The following GRP variants were observed in gnomAD, a reference collection of about 807,000 sequenced individuals.
The protein encoded by GRP is gastrin-releasing peptide.
In GRP, 11 loss-of-function variants were observed where a neutral mutation model predicts 12.7. The observed-to-expected ratio is 0.87, with a 90% CI of 0.55 to 1.44. The LOEUF is 1.44. Among genes scored for constraint, GRP ranks in the 40% most tolerant of loss-of-function variants. GRP has a pLI of 0.00. For synonymous variants in GRP, 84 were observed against 77.7 expected (o/e 1.08, Z -0.43); for missense variants, 212 against 185.4 (o/e 1.14, Z -0.83).
chr18:59,225,593 G>A lies in GRP; in HGVS notation c.241G>A (p.Ala81Thr). Reference protein sequence around the residue: ...LREYIRWEEAARNLLGLIEAK... With the variant: ...LREYIRWEEATRNLLGLIEAK... The stretch of plus-strand genomic sequence containing the variant: ...AGAGTACATCAGGTGGGAAGAAGCT[G>A]CAAGGAATTTGCTGGGTCTCATAGA... The change falls in exon 2 of 3, where the codon GCA becomes ACA. Residue 81 changes from alanine to threonine, a missense_variant. Transcript: ENST00000256857. 1 of 1,614,158 alleles carries A rather than the reference G, an allele frequency of 6.2e-7. No homozygotes were observed. The highest frequency in any genetic ancestry group is 8.5e-7 in the Non-Finnish European group (1 of 1,180,018).
At chr18:59,230,372 T>G in intron 2 of GRP, 32 bp from the exon 3 acceptor site, 1 of 1,209,454 alleles carries the variant, frequency 8.3e-7, no homozygotes, top group Non-Finnish European at 1.2e-6. Context: ...CAGCTCACTC[T>G]GTTTGCTGAA....
chr18:59,226,985 TTTTCTTCCTTTCTTTC>T (rs1314938954), intron 2 of GRP, among the ~76,000 whole-genome samples: 28 of 119,810 alleles, frequency 2.3e-4, no homozygotes, highest in Non-Finnish European at 2.8e-4. Flanking sequence ...ATGTGGTTTC[TTTTCTTCCTTTCTTTC>T]TTTCTTTCTT....
rs113198683 is a variant in GRP at position 59,225,760 on chromosome 18, G to T, written c.382+26G>T. On this transcript the variant is annotated intron_variant, in intron 2 of 2. Transcript: ENST00000256857. ...GTAAAAGAAACATACATGCAAGATG[G>T]GGTGGGAGGTATCTGGGGAGAGGTG... The T allele has an allele frequency of 8.4e-4, 1,357 of 1,607,986 alleles. 8 individuals are homozygous for T. In the African/African-American group the frequency reaches 0.015, roughly 18 times the overall value.
chr18:59,227,009 CT>C (rs1389176189), intron 2 of GRP, among the ~76,000 whole-genome samples: 1 of 122,968 alleles, frequency 8.1e-6, no homozygotes, highest in Non-Finnish European at 1.7e-5. Context: ...TTCTTTCTTT[CT>C]TTCTTTCTTT....
Position 59,225,536 on chromosome 18 carries a change from T to G in GRP, c.184T>G (p.Ser62Ala), listed in dbSNP as rs748418136. 6.2e-7 allele frequency: 1 copy of G among 1,613,934 alleles called. No homozygotes were observed. The highest frequency in any genetic ancestry group is 1.1e-5 in the South Asian group (1 of 91,064). The change falls in exon 2 of 3, where the codon TCT becomes GCT. Residue 62 changes from serine to alanine, a missense_variant. Physicochemically the swap from Ser to Ala is moderately conservative, Grantham distance 99. Transcript: ENST00000256857. ...GAGCACAGGGGAGTCTTCTTCTGTT[T>G]CTGAGAGAGGGAGCCTGAAGCAGCA... is the stretch of plus-strand genomic sequence containing the variant. ...KKSTGESSSV[S>A]ERGSLKQQLR...
At chr18:59,220,789 T>C (rs1012437812) in intron 1 of GRP, among the ~76,000 whole-genome samples, 1 of 152,194 alleles carries the variant, frequency 6.6e-6, no homozygotes, top group Admixed American at 6.5e-5. Context: ...TAGAATAATC[T>C]TGGGGAGCGT....
At chr18:59,223,128 C>T (rs2069861707) in intron 1 of GRP, among the ~76,000 whole-genome samples, 1 of 152,170 alleles carries the variant, frequency 6.6e-6, no homozygotes, top group Non-Finnish European at 1.5e-5. Flanking sequence ...TTAGTAGTAT[C>T]TTTAAATGAT....
At chr18:59,224,501 A>G (rs1482014458) in intron 1 of GRP, among the ~76,000 whole-genome samples, 1 of 152,216 alleles carries the variant, frequency 6.6e-6, no homozygotes, top group Non-Finnish European at 1.5e-5. Context: ...ACTTTAGATC[A>G]AAAGCACCAT....
Position 59,220,305 on chromosome 18 carries a change from G to A in GRP, c.40G>A (p.Val14Ile). 2 of 1,505,834 alleles carry A rather than the reference G, an allele frequency of 1.3e-6. No individual in the cohort carries two copies. Among genetic ancestry groups the A allele is most frequent in the Non-Finnish European group, 1.8e-6 (2 of 1,131,200 alleles). 93.3% of individuals were successfully genotyped at this position (1,505,834 alleles called of 1,614,324 possible). The change falls in exon 1 of 3, where the codon GTC becomes ATC. Residue 14 changes from valine to isoleucine, a missense_variant. Transcript: ENST00000256857. ...GCTCCCGCTGGTCCTGCTGGCGCTG[G>A]TCCTCTGCCTGGCGCCCCGGGGGCG... ...RELPLVLLAL[V>I]LCLAPRGRAV...
Position 59,230,699 on chromosome 18 carries a change from G to A in GRP, c.*231G>A, listed in dbSNP as rs2070021342. ...TCCAATTAATGCTTTTTTATATCTA[G>A]GCTACCTGTTGGTTAGATTCAAGGC... On this transcript the variant is annotated 3_prime_UTR_variant, in exon 3 of 3. Transcript: ENST00000256857. The A allele has an allele frequency of 3.9e-6, 2 of 518,508 alleles. No individual in the cohort carries two copies. Among genetic ancestry groups the A allele is most frequent in the Non-Finnish European group, 6.9e-6 (2 of 288,726 alleles). 32.1% of individuals were successfully genotyped at this position (518,508 alleles called of 1,614,324 possible).
chr18:59,227,809 C>T (rs1405327064), intron 2 of GRP, among the ~76,000 whole-genome samples: 6 of 152,052 alleles, frequency 3.9e-5, no homozygotes, highest in East Asian at 1.9e-4. Flanking sequence ...AATTTTCCAC[C>T]ACATTCAGAA....
At chr18:59,228,013 A>G (rs150643245) in intron 2 of GRP, among the ~76,000 whole-genome samples, 1 of 152,088 alleles carries the variant, frequency 6.6e-6, no homozygotes, top group African/African-American at 2.4e-5. Flanking sequence ...CTTTTCTATT[A>G]TTTTTATGCA....
At position 59,229,402 on chromosome 18, in the gene GRP, C is replaced by A. The variant is rs926531064; in HGVS notation, c.383-1002C>A. 2.4e-4 allele frequency among the ~76,000 whole-genome samples: 36 copies of A among 152,096 alleles called. 1 individual carries two copies. The highest frequency in any genetic ancestry group is 8.7e-4 in the African/African-American group (36 of 41,410). Reference sequence around the variant, plus strand: ...CACATTAGCTGGCCCCTTTTATGACCAATGACTCATAAGGCAAGATGTGTG... The same window carrying A: ...CACATTAGCTGGCCCCTTTTATGACAAATGACTCATAAGGCAAGATGTGTG... On this transcript the variant is annotated intron_variant, in intron 2 of 2. Coordinates refer to ENST00000256857, the MANE Select transcript of GRP (RefSeq NM_002091.5).
intron 2 of GRP, among the ~76,000 whole-genome samples, chr18:59,227,020 T>TCTTTCTTTCTTTCTTTCTTTTCTTC (rs2069943367): frequency 1.4e-5 from 2 of 141,922 alleles, no homozygotes; most frequent in African/African-American, 2.7e-5. Flanking sequence ...TTTCTTTCTT[T>TCTTTCTTTCTTTCTTTCTTTTCTTC]CTTTCTTTCT....
At chr18:59,221,571 G>C (rs1387770078) in intron 1 of GRP, among the ~76,000 whole-genome samples, 1 of 150,968 alleles carries the variant, frequency 6.6e-6, no homozygotes, top group African/African-American at 2.5e-5. Flanking sequence ...GTGTATGTGT[G>C]TGTGTCTCTG....
At chr18:59,227,625 C>T (rs973605794) in intron 2 of GRP, among the ~76,000 whole-genome samples, 1 of 152,210 alleles carries the variant, frequency 6.6e-6, no homozygotes, top group Non-Finnish European at 1.5e-5. Flanking sequence ...GACTTGCCCT[C>T]ATAGCTCGTT....
chr18:59,230,365 C>G (rs777046831), intron 2 of GRP, 39 bp from the exon 3 acceptor site: 2 of 1,106,540 alleles, frequency 1.8e-6, no homozygotes, highest in African/African-American at 3.1e-5. Flanking sequence ...TAGACTTCAG[C>G]TCACTCTGTT....
At position 59,220,258 on chromosome 18, in the gene GRP, T is replaced by A; in HGVS notation, c.-8T>A. The A allele has an allele frequency of 6.7e-7, 1 of 1,495,540 alleles. No homozygotes were observed. The highest frequency in any genetic ancestry group is 8.9e-7 in the Non-Finnish European group (1 of 1,127,176). 92.6% of individuals were successfully genotyped at this position (1,495,540 alleles called of 1,614,324 possible). A position where few individuals can be genotyped will look rare whatever the true frequency, so the allele number is the denominator to read the frequency against. Reference sequence around the variant, plus strand: ...TCCGGCGCGCTCCAAGGGCTTCCCGTCGGGACCATGCGCGGCCGTGAGCTC... The same window carrying A: ...TCCGGCGCGCTCCAAGGGCTTCCCGACGGGACCATGCGCGGCCGTGAGCTC... On this transcript the variant is annotated 5_prime_UTR_variant, in exon 1 of 3. Transcript: ENST00000256857.
chr18:59,219,258 A>C (rs1172111480), upstream of GRP, among the ~76,000 whole-genome samples: 1 of 151,016 alleles, frequency 6.6e-6, no homozygotes, highest in Admixed American at 6.6e-5. Flanking sequence ...TCTCTATTCC[A>C]TGGAAGTTGC....
Sources: gnomAD v4.1 joint callset for allele counts (sites outside exome capture counted in the v4.1 genomes callset) on GRCh38, gnomAD v4.1.1 for gene constraint, MANE v1.5 for transcripts, NCBI Gene and HGNC (gene_info 2026-07-23, HGNC 2026-07-21) for gene names.